The following APH1B variants were observed in gnomAD, a reference collection of about 807,000 sequenced individuals.
APH1B encodes aph-1B gamma-secretase subunit.
Under a neutral mutation model 28.2 loss-of-function variants are expected in APH1B, and 27 were observed. The ratio of observed to expected loss-of-function variants is 0.96; its 90% CI spans 0.70 to 1.32. The LOEUF is 1.32. APH1B is among the 40% of genes most tolerant of loss of function. The probability of loss-of-function intolerance (pLI) is 0.00; values close to 1 mark genes in which losing one functional copy is unlikely to be tolerated. For synonymous variants in APH1B, 141 were observed against 124.6 expected (o/e 1.13, Z -0.88); for missense variants, 305 against 313.6 (o/e 0.97, Z 0.21).
chr15:63,293,583 C>T (rs1236172079), intron 4 of APH1B, among the ~76,000 whole-genome samples: 4 of 151,896 alleles, frequency 2.6e-5, no homozygotes, highest in East Asian at 1.9e-4. Context: ...CTGCAACCTC[C>T]GCCTTCCAGG....
chr15:63,285,884 C>G (rs2038440240), intron 2 of APH1B, among the ~76,000 whole-genome samples: 1 of 152,174 alleles, frequency 6.6e-6, no homozygotes, highest in African/African-American at 2.4e-5. Flanking sequence ...TCCCTTGAAG[C>G]CTTATTGGTG....
intron 4 of APH1B, among the ~76,000 whole-genome samples, chr15:63,294,171 T>A (rs1451540395): frequency 6.6e-6 from 1 of 152,116 alleles, no homozygotes; most frequent in Non-Finnish European, 1.5e-5. Flanking sequence ...CCTGTAGATA[T>A]GATTGCATGA....
Position 63,293,072 on chromosome 15 carries a change from T to C in APH1B, c.478+5526T>C, listed in dbSNP as rs969759533. Reference sequence around the variant, plus strand: ...ATGACTTGCACTTCTCCATTCTCTATAGACCTTGTTTCTTCTCATGGGTAA... The same window carrying C: ...ATGACTTGCACTTCTCCATTCTCTACAGACCTTGTTTCTTCTCATGGGTAA... On this transcript the variant is annotated intron_variant, in intron 4 of 5. Transcript: ENST00000261879. Among the ~76,000 whole-genome samples, 3 of 152,252 alleles carry C rather than the reference T, an allele frequency of 2.0e-5. No individual in the cohort carries two copies. In the South Asian group the frequency reaches 6.2e-4, roughly 31 times the overall value.
At position 63,286,634 on chromosome 15, in the gene APH1B, T is replaced by A. The variant is rs200210177; in HGVS notation, c.355+6T>A. On this transcript the variant is annotated splice_donor_region_variant and intron_variant, in intron 3 of 5. Coordinates refer to ENST00000261879, the MANE Select transcript of APH1B (RefSeq NM_031301.4). ...TATGCGACTGCTGGCCTATGGTAAG[T>A]TAGAACCACATGGTTTCATTAAGGA... is the stretch of plus-strand genomic sequence containing the variant. 7.5e-6 allele frequency: 12 copies of A among 1,600,786 alleles called. No individual in the cohort carries two copies. The highest frequency in any genetic ancestry group is 3.5e-5 in the Admixed American group (2 of 56,884).
At chr15:63,289,967 C>T (rs2038487310) in intron 4 of APH1B, among the ~76,000 whole-genome samples, 1 of 150,972 alleles carries the variant, frequency 6.6e-6, no homozygotes, top group Admixed American at 6.6e-5. Flanking sequence ...CGTCCCACTG[C>T]AATCCAGCCT....
chr15:63,284,952 A>T (rs1298797654), intron 2 of APH1B, among the ~76,000 whole-genome samples: 2 of 152,208 alleles, frequency 1.3e-5, no homozygotes, highest in African/African-American at 4.8e-5. Context: ...GATTTTTACT[A>T]TATATGTGTC....
chr15:63,293,129 CTTTATTTTTAGTTA>C (rs2038523039), intron 4 of APH1B, among the ~76,000 whole-genome samples: 1 of 151,938 alleles, frequency 6.6e-6, no homozygotes, highest in Non-Finnish European at 1.5e-5. Context: ...CCACTGCTGC[CTTTATTTTTAGTTA>C]TTTATTTTAT....
intron 2 of APH1B, among the ~76,000 whole-genome samples, chr15:63,280,405 T>C (rs1567026806): frequency 6.6e-6 from 1 of 152,234 alleles, no homozygotes; most frequent in African/African-American, 2.4e-5. Context: ...GCTGTCTTTT[T>C]TCATTTGTAC....
intron 5 of APH1B, among the ~76,000 whole-genome samples, chr15:63,303,648 G>A (rs1397732423): frequency 3.9e-5 from 6 of 152,038 alleles, no homozygotes; most frequent in East Asian, 1.9e-4. Context: ...GGCATGCGCC[G>A]TCATGCCTGG....
chr15:63,298,240 T>C (rs1205208355), intron 4 of APH1B, among the ~76,000 whole-genome samples: 1 of 152,204 alleles, frequency 6.6e-6, no homozygotes, highest in Non-Finnish European at 1.5e-5. Flanking sequence ...AGACAGGGTC[T>C]AGCTCTGTCA....
intron 2 of APH1B, among the ~76,000 whole-genome samples, chr15:63,283,861 A>G (rs1312793098): frequency 6.6e-6 from 1 of 152,048 alleles, no homozygotes. Context: ...TTTAGTTTTT[A>G]TATATGGTGT....
At chr15:63,278,041 AG>A in intron 1 of APH1B, 1 of 420,676 alleles carries the variant, frequency 2.4e-6, no homozygotes, top group Non-Finnish European at 4.4e-6. Flanking sequence ...CATTTTCTGG[AG>A]GGGGAGTCCC....
At chr15:63,287,888 T>G (rs1417838893) in intron 4 of APH1B, among the ~76,000 whole-genome samples, 1 of 152,232 alleles carries the variant, frequency 6.6e-6, no homozygotes, top group Non-Finnish European at 1.5e-5. Flanking sequence ...AATCTATAAT[T>G]GTCATTGTGG....
chr15:63,285,878 T>G (rs982835117), intron 2 of APH1B, among the ~76,000 whole-genome samples: 2 of 152,246 alleles, frequency 1.3e-5, no homozygotes, highest in Admixed American at 1.3e-4. Context: ...ACTTTCTCCC[T>G]TGAAGCCTTA....
chr15:63,294,119 T>TG (rs2038538198), intron 4 of APH1B, among the ~76,000 whole-genome samples: 2 of 152,048 alleles, frequency 1.3e-5, no homozygotes, highest in African/African-American at 4.8e-5. Flanking sequence ...ATTTTTTTTT[T>TG]TGTAGCCACA....
At chr15:63,289,840 T>C (rs1426662237) in intron 4 of APH1B, among the ~76,000 whole-genome samples, 1 of 152,124 alleles carries the variant, frequency 6.6e-6, no homozygotes, top group Non-Finnish European at 1.5e-5. Context: ...TTGTCTCTAC[T>C]AAAAATTAAA....
intron 4 of APH1B, among the ~76,000 whole-genome samples, chr15:63,295,075 T>G (rs2038550065): frequency 6.6e-6 from 1 of 152,232 alleles, no homozygotes; most frequent in African/African-American, 2.4e-5. Context: ...TACCTGCAAT[T>G]TCCATCTAAA....
intron 2 of APH1B, among the ~76,000 whole-genome samples, chr15:63,285,460 G>A (rs1349375208): frequency 6.6e-6 from 1 of 152,118 alleles, no homozygotes; most frequent in Non-Finnish European, 1.5e-5. Flanking sequence ...TATTCTTTGA[G>A]TCAGGATCTT....
chr15:63,283,587 A>AG (rs1228530209), intron 2 of APH1B, among the ~76,000 whole-genome samples: 1 of 152,190 alleles, frequency 6.6e-6, no homozygotes, highest in East Asian at 1.9e-4. Flanking sequence ...AGAGTTCTGT[A>AG]GATATAAGTC....
Sources: gnomAD v4.1 joint callset for allele counts (sites outside exome capture counted in the v4.1 genomes callset) on GRCh38, gnomAD v4.1.1 for gene constraint, MANE v1.5 for transcripts, NCBI Gene and HGNC (gene_info 2026-07-23, HGNC 2026-07-21) for gene names.